Variants in NECAB1 observed in about 807,000 individuals in gnomAD.
The protein encoded by NECAB1 is N-terminal EF-hand calcium-binding protein 1.
Under a neutral mutation model 57.5 loss-of-function variants are expected in NECAB1, and 29 were observed. That is an observed-to-expected ratio of 0.50 (90% CI 0.38 to 0.69). The LOEUF is 0.69. Ranked by LOEUF, NECAB1 falls within the 30% of genes least tolerant of loss-of-function variation. The pLI, the probability that NECAB1 is intolerant of heterozygous loss-of-function variation, is 0.00. For synonymous variants in NECAB1, 142 were observed against 147.7 expected (o/e 0.96, Z 0.28); for missense variants, 372 against 413.8 (o/e 0.90, Z 0.88).
In NECAB1 at chr8:90,951,600, A is replaced by G. The variant is rs1810925460; in HGVS notation, c.1030+396A>G. 2.6e-5 allele frequency among the ~76,000 whole-genome samples: 4 copies of G among 152,306 alleles called. No homozygotes were observed. In the South Asian group the frequency reaches 8.3e-4, roughly 32 times the overall value. The stretch of plus-strand genomic sequence containing the variant: ...TATTTACTGAGTATTAATATGTGCT[A>G]GGCATCAGGGTGTTTAGCCTAATTT... On this transcript the variant is annotated intron_variant, in intron 12 of 12. Coordinates refer to ENST00000417640, the MANE Select transcript of NECAB1 (RefSeq NM_022351.5).
chr8:90,794,395 T>C (rs1312000778), intron 1 of NECAB1, among the ~76,000 whole-genome samples: 1 of 152,220 alleles, frequency 6.6e-6, no homozygotes, highest in Non-Finnish European at 1.5e-5. Flanking sequence ...GTGATAGATA[T>C]TACCTGTTCC....
At chr8:90,808,334 C>G (rs1333963852) in intron 2 of NECAB1, among the ~76,000 whole-genome samples, 3 of 152,132 alleles carry the variant, frequency 2.0e-5, no homozygotes, top group African/African-American at 7.2e-5. Context: ...CCTTTCTGTT[C>G]CTGCAATTTA....
At chr8:90,843,421 C>G (rs1250801558) in intron 3 of NECAB1, among the ~76,000 whole-genome samples, 2 of 152,176 alleles carry the variant, frequency 1.3e-5, no homozygotes, top group African/African-American at 2.4e-5. Flanking sequence ...TCTTTTTATG[C>G]TTTCTCCTTC....
chr8:90,860,533 G>A (rs1812882565), intron 3 of NECAB1, among the ~76,000 whole-genome samples: 1 of 152,024 alleles, frequency 6.6e-6, no homozygotes, highest in South Asian at 2.1e-4. Context: ...AGAACCTGAG[G>A]GTTTCAAGGA....
intron 3 of NECAB1, among the ~76,000 whole-genome samples, chr8:90,854,324 G>A (rs1274774723): frequency 6.6e-5 from 10 of 152,146 alleles, no homozygotes; most frequent in African/African-American, 2.4e-4. Context: ...CGCTATGTCT[G>A]TAATTGAAGT....
Position 90,934,334 on chromosome 8 carries a change from A to C in NECAB1, c.724A>C (p.Ile242Leu), listed in dbSNP as rs1329004294. Reference sequence around the variant, plus strand: ...CAAACTCGAACCACCAGAAGAAGAAATTATTGAAGGGAATACTAAATCTGT... The same window carrying C: ...CAAACTCGAACCACCAGAAGAAGAACTTATTGAAGGGAATACTAAATCTGT... ...DLKLEPPEEE[I>L]IEGNTKSHIM... The change falls in exon 9 of 13, where the codon ATT (isoleucine) becomes CTT (leucine). Residue 242 changes from isoleucine (I) to leucine (L), a missense_variant. Ile to Leu is a conservative substitution (Grantham distance 5, BLOSUM62 2). Coordinates refer to ENST00000417640, the MANE Select transcript of NECAB1 (RefSeq NM_022351.5). The C allele has an allele frequency of 6.6e-7, 1 of 1,517,192 alleles. No individual in the cohort carries two copies. The highest frequency in any genetic ancestry group is 1.4e-5 in the African/African-American group (1 of 71,602). 94.0% of individuals were successfully genotyped at this position (1,517,192 alleles called of 1,614,324 possible).
At chr8:90,859,643 G>A (rs1812859086) in intron 3 of NECAB1, among the ~76,000 whole-genome samples, 1 of 152,028 alleles carries the variant, frequency 6.6e-6, no homozygotes, top group Non-Finnish European at 1.5e-5. Flanking sequence ...TCTGACAAAG[G>A]AACTCAGGTA....
Position 90,928,390 on chromosome 8 carries a change from T to C in NECAB1, c.693+91T>C, listed in dbSNP as rs141074589. ...TTGCTTTATATCCATGACTGCCCCA[T>C]AGATAGAATAACAGCCAGGATCCCA... On this transcript the variant is annotated intron_variant, in intron 8 of 12. Coordinates refer to ENST00000417640, the MANE Select transcript of NECAB1 (RefSeq NM_022351.5). The C allele has an allele frequency of 4.1e-5, 36 of 884,102 alleles. No individual in the cohort carries two copies. In the African/African-American group the frequency reaches 5.6e-4, roughly 14 times the overall value. The allele number at this position is 884,102 out of a possible 1,614,324, so 54.8% of individuals were successfully genotyped here.
chr8:90,881,815 T>G (rs957723890), intron 5 of NECAB1, among the ~76,000 whole-genome samples: 1 of 152,090 alleles, frequency 6.6e-6, no homozygotes, highest in African/African-American at 2.4e-5. Context: ...TATAGCCCAA[T>G]GAGAAGCACA....
chr8:90,847,310 G>A (rs187296878), intron 3 of NECAB1, among the ~76,000 whole-genome samples: 147 of 152,370 alleles, frequency 9.6e-4, no homozygotes, highest in Middle Eastern at 3.4e-3. Flanking sequence ...TCACATCCAG[G>A]TCACGCTGAT....
At chr8:90,896,906 T>C (rs2631011) in intron 5 of NECAB1, among the ~76,000 whole-genome samples, 81,570 of 151,756 alleles carry the variant, frequency 0.54, 25,926 homozygotes, top group African/African-American at 0.87. Flanking sequence ...ATTAGCCAAT[T>C]AGAATTAGTT....
In NECAB1 at chr8:90,938,500, A is replaced by C. The variant is rs191903692; in HGVS notation, c.748-2286A>C. Among the ~76,000 whole-genome samples, 487 of 152,288 alleles carry C rather than the reference A, an allele frequency of 3.2e-3. 8 individuals carry two copies. Among genetic ancestry groups the C allele is most frequent in the Non-Finnish European group, 8.8e-4 (60 of 68,028 alleles). ...CCACCTCTCCCAAACCCCACATCCT[A>C]CAATTTGTTTCGGCCTAGCCGGAAC... is the stretch of plus-strand genomic sequence containing the variant. On this transcript the variant is annotated intron_variant, in intron 9 of 12. Coordinates refer to ENST00000417640, the MANE Select transcript of NECAB1 (RefSeq NM_022351.5).
intron 3 of NECAB1, among the ~76,000 whole-genome samples, chr8:90,836,088 G>C (rs1812366940): frequency 6.6e-6 from 1 of 152,068 alleles, no homozygotes; most frequent in Non-Finnish European, 1.5e-5. Context: ...TGACTTAAAG[G>C]CCGTGAAATA....
chr8:90,800,282 TG>T (rs2130642599), intron 1 of NECAB1, among the ~76,000 whole-genome samples: 2 of 152,326 alleles, frequency 1.3e-5, no homozygotes, highest in South Asian at 4.1e-4. Flanking sequence ...TTTTGCTATT[TG>T]GATGCCTTTT....
intron 4 of NECAB1, among the ~76,000 whole-genome samples, chr8:90,877,929 C>T (rs976867948): frequency 3.9e-5 from 6 of 152,204 alleles, no homozygotes; most frequent in Non-Finnish European, 8.8e-5. Context: ...CATGCCCTTC[C>T]TCTGAGTATC....
intron 10 of NECAB1, among the ~76,000 whole-genome samples, chr8:90,945,372 G>A (rs1810779887): frequency 6.6e-6 from 1 of 151,886 alleles, no homozygotes; most frequent in African/African-American, 2.4e-5. Context: ...GGCCATTTTT[G>A]TATTGCTTAT....
intron 3 of NECAB1, 32 bp from the exon 4 acceptor site, chr8:90,872,096 T>C (rs752883646): frequency 1.6e-5 from 24 of 1,522,270 alleles, no homozygotes; most frequent in Middle Eastern, 1.7e-4. Context: ...ACCAAAGTAA[T>C]AACACTGTTT....
At chr8:90,900,369 G>A (rs865849052) in intron 5 of NECAB1, among the ~76,000 whole-genome samples, 2 of 152,142 alleles carry the variant, frequency 1.3e-5, no homozygotes, top group African/African-American at 4.8e-5. Context: ...AGGAAAAATG[G>A]TTCTTTTCTT....
At chr8:90,915,361 T>G (rs927875590) in intron 5 of NECAB1, among the ~76,000 whole-genome samples, 2 of 152,244 alleles carry the variant, frequency 1.3e-5, no homozygotes, top group African/African-American at 2.4e-5. Flanking sequence ...GAGAATTTTT[T>G]GAAGTTTTTT....
Sources: gnomAD v4.1 joint callset for allele counts (sites outside exome capture counted in the v4.1 genomes callset) on GRCh38, gnomAD v4.1.1 for gene constraint, MANE v1.5 for transcripts, NCBI Gene and HGNC (gene_info 2026-07-23, HGNC 2026-07-21) for gene names.